Variants in ADAMTSL1 observed in about 807,000 individuals in gnomAD.
ADAMTSL1 encodes the protein ADAMTS like 1.
A neutral mutation model predicts 201.8 loss-of-function variants in ADAMTSL1; 126 were observed. That is an observed-to-expected ratio of 0.62 (90% confidence interval 0.54 to 0.72). The LOEUF is 0.72. Ranked by LOEUF, ADAMTSL1 falls within the 30% of genes least tolerant of loss-of-function variation. The pLI, the probability that ADAMTSL1 is intolerant of heterozygous loss-of-function variation, is 0.00. For synonymous variants in ADAMTSL1, 1,121 were observed against 903.4 expected, an observed-to-expected ratio of 1.24 and a Z score of -4.32; for missense variants, 2,679 against 2,277.8, an observed-to-expected ratio of 1.18 and a Z score of -3.59.
chr9:18,392,669 G>C lies in ADAMTSL1; in HGVS notation c.208-112160G>C, dbSNP rs78534152. Among the ~76,000 whole-genome samples, 462 of 152,270 alleles carry C rather than the reference G, an allele frequency of 3.0e-3. 3 individuals are homozygous for C. The highest frequency in any genetic ancestry group is 0.011 in the African/African-American group (444 of 41,564). On this transcript the variant is annotated intron_variant, in intron 2 of 29. Coordinates refer to the ADAMTSL1 transcript ENST00000680146. ...ACAACATAACCTCAAAAACATAGTAGGATGATGGAATCAACCAATCCTGTA... is the reference window on the plus strand; with the variant it reads ...ACAACATAACCTCAAAAACATAGTACGATGATGGAATCAACCAATCCTGTA...
intron 2 of ADAMTSL1, among the ~76,000 whole-genome samples, chr9:18,207,517 T>C (rs535586534): frequency 5.9e-5 from 9 of 152,348 alleles, no homozygotes; most frequent in African/African-American, 2.2e-4. Flanking sequence ...CAATAACTAA[T>C]ATGTTTAAAT....
chr9:18,400,205 C>T (rs895041162), intron 2 of ADAMTSL1, among the ~76,000 whole-genome samples: 4 of 112,238 alleles, frequency 3.6e-5, no homozygotes, highest in African/African-American at 1.3e-4. Flanking sequence ...AAATAACATA[C>T]TTTTACATTA....
intron 2 of ADAMTSL1, among the ~76,000 whole-genome samples, chr9:18,399,437 T>G (rs181833410): frequency 5.2e-4 from 78 of 151,050 alleles, no homozygotes; most frequent in African/African-American, 1.8e-3. Context: ...CCTCCCGGGT[T>G]CAAGCGATTC....
chr9:18,143,983 A>G (rs1587148701), intron 1 of ADAMTSL1, among the ~76,000 whole-genome samples: 1 of 152,254 alleles, frequency 6.6e-6, no homozygotes, highest in African/African-American at 2.4e-5. Context: ...ACGTTTAACA[A>G]CTGAGTAAAA....
chr9:18,619,821 G>C (rs1311847684), intron 4 of ADAMTSL1, among the ~76,000 whole-genome samples: 1 of 152,190 alleles, frequency 6.6e-6, no homozygotes, highest in African/African-American at 2.4e-5. Flanking sequence ...ACGCCTGAGA[G>C]TGGAAATTCC....
intron 20 of ADAMTSL1, among the ~76,000 whole-genome samples, chr9:18,798,766 C>T (rs556870911): frequency 1.4e-4 from 21 of 152,330 alleles, no homozygotes; most frequent in Non-Finnish European, 2.9e-4. Context: ...ATTGAGTTTG[C>T]CCCGTCCCGT....
At chr9:18,433,580 G>A (rs1235625450) in intron 2 of ADAMTSL1, among the ~76,000 whole-genome samples, 1 of 152,042 alleles carries the variant, frequency 6.6e-6, no homozygotes, top group African/African-American at 2.4e-5. Flanking sequence ...ATATACCTGA[G>A]CTCAAACTGG....
chr9:18,756,281 C>CAAAAA (rs11326013), intron 16 of ADAMTSL1, among the ~76,000 whole-genome samples: 6 of 68,498 alleles, frequency 8.8e-5, no homozygotes, highest in African/African-American at 1.8e-4. Context: ...TCTGTCTCGA[C>CAAAAA]AAAAAAAAAA....
At chr9:18,432,564 A>T (rs1030482207) in intron 2 of ADAMTSL1, among the ~76,000 whole-genome samples, 5 of 152,158 alleles carry the variant, frequency 3.3e-5, no homozygotes, top group Admixed American at 3.3e-4. Flanking sequence ...ATCACCAAAA[A>T]TTATCAAATG....
At chr9:18,285,859 A>T (rs58960668) in intron 2 of ADAMTSL1, among the ~76,000 whole-genome samples, 4,336 of 152,250 alleles carry the variant, frequency 0.028, 202 homozygotes, top group African/African-American at 0.1. Flanking sequence ...CATGTACAGT[A>T]CAATAAAACT....
chr9:18,050,614 G>C (rs1186630523), intron 1 of ADAMTSL1, among the ~76,000 whole-genome samples: 2 of 152,054 alleles, frequency 1.3e-5, no homozygotes, highest in Non-Finnish European at 2.9e-5. Flanking sequence ...TGAAAGAAAT[G>C]CTCTTAAGAA....
chr9:18,275,211 A>G lies in ADAMTSL1; in HGVS notation c.207+111230A>G, dbSNP rs550014353. On this transcript the variant is annotated intron_variant, in intron 2 of 29. Transcript: ENST00000680146. ...AGTCATTACCTCTAATAATGAAGTT[A>G]AAAGGAACAAAATGAGGGTGAGAGA... Among the ~76,000 whole-genome samples, 483 of 152,328 alleles carry G rather than the reference A, an allele frequency of 3.2e-3. 1 individual carries two copies. The highest frequency in any genetic ancestry group is 0.011 in the African/African-American group (439 of 41,592).
chr9:18,360,561 A>G (rs937851696), intron 2 of ADAMTSL1: 9 of 152,138 alleles, frequency 5.9e-5, no homozygotes, highest in African/African-American at 1.9e-4. Context: ...GCAACTGTAA[A>G]TAAAAGATTT....
intron 23 of ADAMTSL1, among the ~76,000 whole-genome samples, chr9:18,844,488 C>G (rs1198674217): frequency 6.6e-6 from 1 of 152,174 alleles, no homozygotes; most frequent in Non-Finnish European, 1.5e-5. Flanking sequence ...GGTCAGGGGT[C>G]AGGGACCCAC....
At chr9:18,190,774 T>C (rs1285282942) in intron 2 of ADAMTSL1, among the ~76,000 whole-genome samples, 1 of 152,200 alleles carries the variant, frequency 6.6e-6, no homozygotes, top group Admixed American at 6.5e-5. Flanking sequence ...CTCCTTGGCT[T>C]AACAAACTGC....
chr9:18,363,947 A>G (rs1319370789), intron 2 of ADAMTSL1, among the ~76,000 whole-genome samples: 1 of 152,212 alleles, frequency 6.6e-6, no homozygotes, highest in Non-Finnish European at 1.5e-5. Flanking sequence ...CATAGTTTCT[A>G]GCAACATGGT....
rs376540208 is a variant in ADAMTSL1, at chr9:18,189,445, A to C, written c.207+25464A>C. On this transcript the variant is annotated intron_variant, in intron 2 of 29. Coordinates refer to the ADAMTSL1 transcript ENST00000680146. ...GTCTGTATAAGATTTTTCTCAAGAC[A>C]ACTAGCAAGCAAATACAAATTCTTA... Among the ~76,000 whole-genome samples, 11 of 152,328 alleles carry C rather than the reference A, an allele frequency of 7.2e-5. No homozygotes were observed. In the South Asian group the frequency reaches 2.3e-3, roughly 32 times the overall value.
At chr9:18,849,392 A>T (rs544991245) in intron 23 of ADAMTSL1, among the ~76,000 whole-genome samples, 1 of 152,224 alleles carries the variant, frequency 6.6e-6, no homozygotes, top group Non-Finnish European at 1.5e-5. Context: ...GTGATAATGC[A>T]AACAATGACA....
chr9:18,117,603 G>T (rs1242062811), intron 1 of ADAMTSL1, among the ~76,000 whole-genome samples: 2 of 152,178 alleles, frequency 1.3e-5, no homozygotes, highest in Admixed American at 1.3e-4. Flanking sequence ...TCTTCCCATT[G>T]TTGTTTCCCA....
Sources: gnomAD v4.1 joint callset for allele counts (sites outside exome capture counted in the v4.1 genomes callset) on GRCh38, gnomAD v4.1.1 for gene constraint, MANE v1.5 for transcripts, NCBI Gene and HGNC (gene_info 2026-07-23, HGNC 2026-07-21) for gene names.